Variants in CCDC91 observed in about 807,000 individuals in gnomAD.
CCDC91 encodes coiled-coil domain containing 91.
A neutral mutation model predicts 63.2 loss-of-function variants in CCDC91; 48 were observed. The observed-to-expected ratio is 0.76, with a 90% CI of 0.60 to 0.97. CCDC91 has a LOEUF of 0.97. CCDC91 is among the 50% of genes least tolerant of loss of function. The probability of loss-of-function intolerance (pLI) is 0.00; values close to 1 mark genes in which losing one functional copy is unlikely to be tolerated. For missense variants in CCDC91, 500 were observed against 494.6 expected, an observed-to-expected ratio of 1.01 and a Z score of -0.10; for synonymous variants, 167 against 165.8, an observed-to-expected ratio of 1.01 and a Z score of -0.06.
chr12:28,212,875 CA>C (rs1455449611), intron 1 of CCDC91, among the ~76,000 whole-genome samples: 15 of 152,296 alleles, frequency 9.8e-5, no homozygotes, highest in African/African-American at 3.6e-4. Flanking sequence ...GACTATATTT[CA>C]AGTACCTGTA....
At chr12:28,230,205 C>T (rs1370342096) in intron 1 of CCDC91, among the ~76,000 whole-genome samples, 2 of 152,074 alleles carry the variant, frequency 1.3e-5, no homozygotes, top group African/African-American at 4.8e-5. Context: ...TTGCCTAAGG[C>T]AGGGAAATTG....
chr12:28,211,980 T>G (rs1943264759), intron 1 of CCDC91, among the ~76,000 whole-genome samples: 1 of 152,170 alleles, frequency 6.6e-6, no homozygotes, highest in Non-Finnish European at 1.5e-5. Flanking sequence ...CAGTCCAGTT[T>G]CTGTCATGAC....
At chr12:28,302,229 A>G (rs1938152575) in intron 3 of CCDC91, among the ~76,000 whole-genome samples, 1 of 151,986 alleles carries the variant, frequency 6.6e-6, no homozygotes, top group Non-Finnish European at 1.5e-5. Flanking sequence ...ATAGTATCTT[A>G]ACAGATAATG....
intron 12 of CCDC91, chr12:28,505,367 C>G (rs1293067353): frequency 6.6e-6 from 1 of 151,782 alleles, no homozygotes; most frequent in Non-Finnish European, 1.5e-5. Context: ...GAATCGAATG[C>G]TACAGTAACT....
At chr12:28,334,878 A>G (rs1335716304) in intron 6 of CCDC91, among the ~76,000 whole-genome samples, 1 of 151,896 alleles carries the variant, frequency 6.6e-6, no homozygotes, top group Non-Finnish European at 1.5e-5. Context: ...AGAGTGTGAA[A>G]TGATAGGTAT....
chr12:28,414,006 G>A (rs962383336), intron 8 of CCDC91, among the ~76,000 whole-genome samples: 5 of 152,150 alleles, frequency 3.3e-5, no homozygotes, highest in African/African-American at 1.2e-4. Context: ...GCAGAACCAC[G>A]AGTGAAAGGA....
At chr12:28,474,911 C>A (rs1323877230) in intron 11 of CCDC91, among the ~76,000 whole-genome samples, 1 of 152,054 alleles carries the variant, frequency 6.6e-6, no homozygotes, top group Non-Finnish European at 1.5e-5. Flanking sequence ...CAACCTGCTC[C>A]TGAAGGACTA....
At chr12:28,378,559 C>G (rs746318484) in intron 7 of CCDC91, among the ~76,000 whole-genome samples, 1 of 151,914 alleles carries the variant, frequency 6.6e-6, no homozygotes, top group Non-Finnish European at 1.5e-5. Context: ...AGTTTTTGCT[C>G]AAAGAGAGGA....
intron 11 of CCDC91, among the ~76,000 whole-genome samples, chr12:28,453,926 G>A (rs893157229): frequency 6.8e-4 from 103 of 151,962 alleles, no homozygotes; most frequent in African/African-American, 2.0e-3. Context: ...GCACATATTC[G>A]TCATCCTAAT....
intron 8 of CCDC91, among the ~76,000 whole-genome samples, chr12:28,423,449 A>G (rs1291920857): frequency 1.3e-5 from 2 of 152,148 alleles, no homozygotes; most frequent in Non-Finnish European, 2.9e-5. Flanking sequence ...ATATCAATGT[A>G]TGGATTGATA....
At chr12:28,250,982 GTGTGTGTA>G (rs1461146362) in intron 1 of CCDC91, among the ~76,000 whole-genome samples, 2 of 128,664 alleles carry the variant, frequency 1.6e-5, no homozygotes, top group African/African-American at 5.8e-5. Context: ...GTGTGTGTGT[GTGTGTGTA>G]TTTCCTTTGT....
At chr12:28,245,970 A>T (rs1945704485) in intron 1 of CCDC91, among the ~76,000 whole-genome samples, 1 of 152,230 alleles carries the variant, frequency 6.6e-6, no homozygotes, top group Admixed American at 6.5e-5. Context: ...AAATGTTCAC[A>T]GCATTTCTGG....
intron 7 of CCDC91, among the ~76,000 whole-genome samples, chr12:28,370,409 C>G (rs570303874): frequency 6.6e-6 from 1 of 152,318 alleles, no homozygotes; most frequent in South Asian, 2.1e-4. Flanking sequence ...TGCTCCAGAT[C>G]CCAATAGGTT....
chr12:28,435,545 G>T (rs1056897534), intron 8 of CCDC91, among the ~76,000 whole-genome samples: 2 of 151,918 alleles, frequency 1.3e-5, no homozygotes, highest in Non-Finnish European at 1.5e-5. Flanking sequence ...GTCTATGCTA[G>T]TGAATGTTCC....
At chr12:28,387,058 C>T (rs920799193) in intron 7 of CCDC91, among the ~76,000 whole-genome samples, 7 of 151,688 alleles carry the variant, frequency 4.6e-5, no homozygotes, top group African/African-American at 9.7e-5. Context: ...ATGTGAGAAA[C>T]GTAAAGGAAT....
At chr12:28,351,906 A>T (rs1480771580) in intron 6 of CCDC91, among the ~76,000 whole-genome samples, 1 of 152,040 alleles carries the variant, frequency 6.6e-6, no homozygotes, top group Non-Finnish European at 1.5e-5. Flanking sequence ...AGTTAAGGGG[A>T]TTCATGCTAT....
At chr12:28,546,648 A>G (rs1943008708) in intron 12 of CCDC91, among the ~76,000 whole-genome samples, 3 of 152,272 alleles carry the variant, frequency 2.0e-5, no homozygotes, top group South Asian at 2.1e-4. Flanking sequence ...AATATTATGA[A>G]CAATCTTAAT....
chr12:28,305,806 G>A lies in CCDC91; in HGVS notation c.267G>A (p.Gln89=). 1.9e-6 allele frequency: 3 copies of A among 1,605,654 alleles called. No individual in the cohort carries two copies. The highest frequency in any genetic ancestry group is 2.6e-6 in the Non-Finnish European group (3 of 1,176,396). Residue 89 remains glutamine (Q), a splice_region_variant and synonymous_variant, in exon 4 of 13, where the codon CAG becomes CAA. Transcript: ENST00000536442. ...SIVSQTIPKA[Q]IQQSTHTHLD... is the part of the protein sequence containing the mutation. ...TGAGTCAAACTATTCCAAAAGCACA[G>A]GTAAAGACAAACATATTTTTAAAGG... is the stretch of plus-strand genomic sequence containing the variant.
At chr12:28,502,251 A>G (rs1938011110) in intron 12 of CCDC91, among the ~76,000 whole-genome samples, 1 of 151,974 alleles carries the variant, frequency 6.6e-6, no homozygotes, top group East Asian at 1.9e-4. Flanking sequence ...ATACAAAATC[A>G]ATGTACAAAA....
Sources: gnomAD v4.1 joint callset for allele counts (sites outside exome capture counted in the v4.1 genomes callset) on GRCh38, gnomAD v4.1.1 for gene constraint, MANE v1.5 for transcripts, NCBI Gene and HGNC (gene_info 2026-07-23, HGNC 2026-07-21) for gene names.